Variants in EIF2S2 observed in about 807,000 individuals in gnomAD.
The protein encoded by EIF2S2 is eukaryotic translation initiation factor 2 subunit 2.
In EIF2S2, 4 loss-of-function variants were observed where a neutral mutation model predicts 44.0. That is an observed-to-expected ratio of 0.09 (90% CI 0.04 to 0.21). EIF2S2 has a LOEUF of 0.21. Ranked by LOEUF, EIF2S2 falls within the 10% of genes least tolerant of loss-of-function variation. The pLI is 1.00. For missense variants in EIF2S2, 154 were observed against 392.0 expected, an observed-to-expected ratio of 0.39 and a Z score of 5.13; for synonymous variants, 108 against 128.3, an observed-to-expected ratio of 0.84 and a Z score of 1.07.
intron 3 of EIF2S2, 114 bp downstream of exon 3, chr20:34,103,348 A>G (rs1438535810): frequency 1.5e-6 from 2 of 1,366,182 alleles, no homozygotes; most frequent in Admixed American, 6.3e-5. Flanking sequence ...GTGGCAATTA[A>G]GTGCTAATAA....
chr20:34,093,604 C>T (rs1382470319), intron 7 of EIF2S2, 71 bp downstream of exon 7: 8 of 1,339,198 alleles, frequency 6.0e-6, no homozygotes, highest in Non-Finnish European at 8.3e-6. Context: ...AAGTGTGTTA[C>T]ATATCCTTTT....
At chr20:34,090,015 T>C (rs1161661676) in intron 8 of EIF2S2, 110 bp from the exon 9 acceptor site, 2 of 1,203,540 alleles carry the variant, frequency 1.7e-6, no homozygotes, top group Non-Finnish European at 2.4e-6. Context: ...GCTGAGAATT[T>C]AGCTGGGCAC....
chr20:34,106,083 A>C (rs1374389306), intron 1 of EIF2S2, among the ~76,000 whole-genome samples: 1 of 152,108 alleles, frequency 6.6e-6, no homozygotes, highest in East Asian at 1.9e-4. Flanking sequence ...TACCATGCCC[A>C]GCTAATTTTT....
intron 6 of EIF2S2, among the ~76,000 whole-genome samples, chr20:34,096,256 C>T (rs1189181802): frequency 6.6e-6 from 1 of 151,948 alleles, no homozygotes; most frequent in Non-Finnish European, 1.5e-5. Flanking sequence ...TAAAACAAGC[C>T]CTCCTGGGCA....
At chr20:34,106,321 C>CA (rs1036416054) in intron 1 of EIF2S2, among the ~76,000 whole-genome samples, 2 of 151,836 alleles carry the variant, frequency 1.3e-5, no homozygotes, top group Admixed American at 6.6e-5. Flanking sequence ...TTTTTAACTA[C>CA]AAATCTTCAA....
intron 3 of EIF2S2, among the ~76,000 whole-genome samples, chr20:34,101,415 G>A (rs1349059024): frequency 2.0e-5 from 3 of 152,208 alleles, no homozygotes; most frequent in African/African-American, 7.2e-5. Flanking sequence ...CAGCCTGGGC[G>A]ACAGAGTGAG....
At chr20:34,104,269 G>A (rs752739459) in intron 2 of EIF2S2, among the ~76,000 whole-genome samples, 9 of 151,904 alleles carry the variant, frequency 5.9e-5, no homozygotes, top group Non-Finnish European at 1.3e-4. Context: ...TGCAATATAC[G>A]TGCGGTCTCT....
In EIF2S2 at chr20:34,089,977, A is replaced by G. The variant is rs1240794924; in HGVS notation, c.827-72T>C. 3 of 1,527,876 alleles carry G rather than the reference A, an allele frequency of 2.0e-6. No individual in the cohort carries two copies. In the African/African-American group the frequency reaches 4.1e-5, roughly 21 times the overall value. 94.6% of individuals were successfully genotyped at this position (1,527,876 alleles called of 1,614,324 possible). A position where few individuals can be genotyped will look rare whatever the true frequency, so the allele number is the denominator to read the frequency against. On this transcript the variant is annotated intron_variant, in intron 8 of 8. Transcript: ENST00000374980. ...TAGAGAAGTTTCTGCCTTCTTAAAT[A>G]CATCTACAAAGAACTCCACAAGCCC...
intron 2 of EIF2S2, among the ~76,000 whole-genome samples, chr20:34,104,116 T>C (rs1348333375): frequency 6.6e-6 from 1 of 152,196 alleles, no homozygotes; most frequent in Admixed American, 6.5e-5. Flanking sequence ...AATCTGACCA[T>C]ATCACTCTTC....
At chr20:34,093,135 T>C (rs920464124) in intron 7 of EIF2S2, among the ~76,000 whole-genome samples, 4 of 152,208 alleles carry the variant, frequency 2.6e-5, no homozygotes, top group African/African-American at 7.2e-5. Context: ...TTCCAGATAG[T>C]AGTCAAACTC....
intron 4 of EIF2S2, 119 bp downstream of exon 4, chr20:34,098,379 C>T: frequency 9.3e-7 from 1 of 1,070,108 alleles, no homozygotes. Flanking sequence ...CTTCCATTAT[C>T]AGTCAGTAGA....
chr20:34,101,231 G>A (rs2034291700), intron 3 of EIF2S2, among the ~76,000 whole-genome samples: 1 of 152,156 alleles, frequency 6.6e-6, no homozygotes, highest in South Asian at 2.1e-4. Context: ...GATCACCTAA[G>A]GTCAAGAGTT....
chr20:34,089,643 T>C lies in EIF2S2; in HGVS notation c.*87A>G. ...AATCTTGGCAGCTTTTTTATCTTGT[T>C]TTTAATACAACGGTATATCCACTCT... On this transcript the variant is annotated 3_prime_UTR_variant, in exon 9 of 9. Coordinates refer to ENST00000374980, the MANE Select transcript of EIF2S2 (RefSeq NM_003908.5). The C allele has an allele frequency of 6.9e-7, 1 of 1,452,014 alleles. No individual in the cohort carries two copies. The highest frequency in any genetic ancestry group is 9.2e-7 in the Non-Finnish European group (1 of 1,088,734). The allele number at this position is 1,452,014 out of a possible 1,614,324, so 89.9% of individuals were successfully genotyped here. A position where few individuals can be genotyped will look rare whatever the true frequency, so the allele number is the denominator to read the frequency against.
At position 34,089,439 on chromosome 20, in the gene EIF2S2, A is replaced by G. The variant is rs2034136230; in HGVS notation, c.*291T>C. 3.1e-6 allele frequency: 1 copy of G among 320,208 alleles called. No homozygotes were observed. The highest frequency in any genetic ancestry group is 5.6e-6 in the Non-Finnish European group (1 of 177,722). 19.8% of individuals were successfully genotyped at this position (320,208 alleles called of 1,614,324 possible). On this transcript the variant is annotated 3_prime_UTR_variant, in exon 9 of 9. Transcript: ENST00000374980. ...CTGAAGGACAAACCAAATTGAAAGA[A>G]TCACTGTTATAATAACTTTAATTTA...
At chr20:34,105,154 G>A (rs1271756242) in intron 2 of EIF2S2, among the ~76,000 whole-genome samples, 1 of 152,144 alleles carries the variant, frequency 6.6e-6, no homozygotes, top group Non-Finnish European at 1.5e-5. Context: ...GAACAGCAAG[G>A]TTTCATCTTT....
chr20:34,111,786 A>G (rs545142501), intron 1 of EIF2S2, among the ~76,000 whole-genome samples: 83 of 152,348 alleles, frequency 5.4e-4, no homozygotes, highest in African/African-American at 1.9e-3. Context: ...CGCCAGCCCC[A>G]GTCTCGTTCG....
chr20:34,097,574 G>A (rs779139400), intron 4 of EIF2S2, 58 bp from the exon 5 acceptor site: 99 of 1,415,866 alleles, frequency 7.0e-5, no homozygotes, highest in Non-Finnish European at 9.6e-5. Context: ...TACAAAAGTG[G>A]GGTGGGTCTA....
intron 6 of EIF2S2, among the ~76,000 whole-genome samples, chr20:34,095,310 CT>C (rs148341160): frequency 0.11 from 14,130 of 123,874 alleles, 2,229 homozygotes; most frequent in African/African-American, 0.37. Flanking sequence ...TTAGCTACCT[CT>C]TTTTTTTTTT....
At chr20:34,092,960 C>T (rs143950262) in intron 7 of EIF2S2, among the ~76,000 whole-genome samples, 22 of 152,184 alleles carry the variant, frequency 1.4e-4, no homozygotes, top group African/African-American at 4.8e-4. Flanking sequence ...AACCTGTTTC[C>T]GAACGTGAAG....
Sources: gnomAD v4.1 joint callset for allele counts (sites outside exome capture counted in the v4.1 genomes callset) on GRCh38, gnomAD v4.1.1 for gene constraint, MANE v1.5 for transcripts, NCBI Gene and HGNC (gene_info 2026-07-23, HGNC 2026-07-21) for gene names.